CCDC47: variants seen among roughly 807,000 people sequenced by gnomAD.
CCDC47 encodes the protein coiled-coil domain containing 47.
Under a neutral mutation model 60.5 loss-of-function variants are expected in CCDC47, and 41 were observed. The observed-to-expected ratio is 0.68, with a 90% CI of 0.53 to 0.88. The LOEUF is 0.88. Ranked by LOEUF, CCDC47 falls within the 40% of genes least tolerant of loss-of-function variation. CCDC47 has a pLI of 0.00. For synonymous variants in CCDC47, 195 were observed against 190.7 expected, an observed-to-expected ratio of 1.02 and a Z score of -0.18; for missense variants, 513 against 580.9, an observed-to-expected ratio of 0.88 and a Z score of 1.20.
At chr17:63,761,785 G>A (rs925965436) in intron 4 of CCDC47, 15 of 972,256 alleles carry the variant, frequency 1.5e-5, no homozygotes, top group African/African-American at 1.8e-5. Flanking sequence ...GCAATACTTT[G>A]CTGTCTTATA....
At chr17:63,759,284 T>A (rs2144484919) in intron 6 of CCDC47, among the ~76,000 whole-genome samples, 1 of 150,414 alleles carries the variant, frequency 6.6e-6, no homozygotes, top group East Asian at 2.0e-4. Flanking sequence ...AGGTCAGAAG[T>A]TCGAGACCAG....
intron 9 of CCDC47, chr17:63,753,401 G>A (rs75646162): frequency 0.043 from 8,322 of 193,558 alleles, 268 homozygotes; most frequent in Non-Finnish European, 0.06. Context: ...AGTTGAGCAA[G>A]ACAAGGATGA....
intron 5 of CCDC47, 79 bp from the exon 6 acceptor site, chr17:63,761,058 A>G (rs2039255377): frequency 1.5e-6 from 2 of 1,358,162 alleles, no homozygotes; most frequent in East Asian, 4.6e-5. Context: ...AGGAGAATCA[A>G]ATGCTTCATC....
intron 1 of CCDC47, among the ~76,000 whole-genome samples, chr17:63,771,908 C>G (rs1175195381): frequency 6.6e-6 from 1 of 151,826 alleles, no homozygotes; most frequent in Non-Finnish European, 1.5e-5. Flanking sequence ...ATAGTGAAAC[C>G]CCACCTCTAC....
intron 12 of CCDC47, among the ~76,000 whole-genome samples, chr17:63,748,288 T>C (rs1369006702): frequency 6.6e-6 from 1 of 152,074 alleles, no homozygotes; most frequent in Non-Finnish European, 1.5e-5. Flanking sequence ...AATTTTTGTA[T>C]TCTTAGTAGA....
chr17:63,752,970 A>G, intron 9 of CCDC47, 171 bp from the exon 10 acceptor site: 1 of 958,424 alleles, frequency 1.0e-6, no homozygotes, highest in Non-Finnish European at 1.2e-6. Flanking sequence ...CATCTGGTCC[A>G]CTCGTCTATC....
Position 63,746,046 on chromosome 17 carries a change from G to T in CCDC47, c.*835C>A, listed in dbSNP as rs1321739410. ...CTCCATGAACATCCACCAGGCTGCA[G>T]CAACCAAGAAGGAAAAAACATTTGT... On this transcript the variant is annotated 3_prime_UTR_variant, in exon 13 of 13. Coordinates refer to ENST00000225726, the MANE Select transcript of CCDC47 (RefSeq NM_020198.3). 1 of 152,200 alleles carries T rather than the reference G, an allele frequency of 6.6e-6. No individual in the cohort carries two copies. The highest frequency in any genetic ancestry group is 1.5e-5 in the Non-Finnish European group (1 of 68,050). 9.4% of individuals were successfully genotyped at this position (152,200 alleles called of 1,614,324 possible).
chr17:63,747,591 G>T, intron 12 of CCDC47: 1 of 985,006 alleles, frequency 1.0e-6, no homozygotes, highest in South Asian at 4.7e-5. Flanking sequence ...AGCCTTAGAG[G>T]TCAAGTCAAA....
intron 6 of CCDC47, 129 bp from the exon 7 acceptor site, chr17:63,756,699 A>G: frequency 1.6e-6 from 1 of 643,968 alleles, no homozygotes; most frequent in Non-Finnish European, 2.7e-6. Flanking sequence ...TGGGATTTGC[A>G]AATATGATGG....
At chr17:63,747,729 G>C in intron 12 of CCDC47, 1 of 984,900 alleles carries the variant, frequency 1.0e-6, no homozygotes, top group Non-Finnish European at 1.2e-6. Flanking sequence ...AACTGGTACA[G>C]GATGGAGAAA....
rs963595500 is a variant in CCDC47 at position 63,762,197 on chromosome 17, T to C, written c.548-846A>G. ...CTCTCTTCATTTAATTCATTAAGTA[T>C]ACAAAAGAAATTGCTCAACCTCACA... On this transcript the variant is annotated intron_variant, in intron 4 of 12. Coordinates refer to ENST00000225726, the MANE Select transcript of CCDC47 (RefSeq NM_020198.3). 61 of 985,110 alleles carry C rather than the reference T, an allele frequency of 6.2e-5. No individual in the cohort carries two copies. In the African/African-American group the frequency reaches 1.0e-3, roughly 16 times the overall value. The allele number at this position is 985,110 out of a possible 1,614,324, so 61.0% of individuals were successfully genotyped here. A position where few individuals can be genotyped will look rare whatever the true frequency, so the allele number is the denominator to read the frequency against.
rs1175643914 is a variant in CCDC47, at chr17:63,771,023, A to AGGAT, written c.-20+2388_-20+2389insATCC. Among the ~76,000 whole-genome samples, 18 of 129,070 alleles carry AGGAT rather than the reference A, an allele frequency of 1.4e-4. 1 individual carries two copies. Among genetic ancestry groups the AGGAT allele is most frequent in the African/African-American group, 5.4e-4 (18 of 33,412 alleles). The allele number at this position is 129,070 out of a possible 152,430, so 84.7% of individuals were successfully genotyped here. The stretch of plus-strand genomic sequence containing the variant: ...AAGAAAGAAAGAAAGAAAGGAAGGA[A>AGGAT]GGAAGGAAGGAAGGAAGGAAGGAAG... On this transcript the variant is annotated intron_variant, in intron 1 of 12. Coordinates refer to ENST00000225726, the MANE Select transcript of CCDC47 (RefSeq NM_020198.3).
intron 6 of CCDC47, 36 bp downstream of exon 6, chr17:63,760,878 G>C (rs746447451): frequency 7.6e-7 from 1 of 1,319,648 alleles, no homozygotes; most frequent in South Asian, 1.2e-5. Flanking sequence ...AAATAATTCA[G>C]TCTGTACACA....
At chr17:63,763,368 T>A (rs1008684712) in intron 4 of CCDC47, among the ~76,000 whole-genome samples, 1 of 151,770 alleles carries the variant, frequency 6.6e-6, no homozygotes, top group Non-Finnish European at 1.5e-5. Context: ...ACAAAAAAAA[T>A]ACAAAAATTA....
At chr17:63,765,733 T>G (rs1188642150) in intron 2 of CCDC47, 179 bp downstream of exon 2, 1 of 1,402,068 alleles carries the variant, frequency 7.1e-7, no homozygotes, top group African/African-American at 1.5e-5. Flanking sequence ...AAGAACACAA[T>G]TCATTCTGTT....
chr17:63,769,697 A>G (rs2039322921), intron 1 of CCDC47, among the ~76,000 whole-genome samples: 1 of 151,962 alleles, frequency 6.6e-6, no homozygotes, highest in Non-Finnish European at 1.5e-5. Context: ...GGTTTCCCTG[A>G]GGCACAACGG....
chr17:63,751,041 AT>A (rs11322927), intron 12 of CCDC47, among the ~76,000 whole-genome samples: 95,380 of 143,748 alleles, frequency 0.66, 31,740 homozygotes, highest in African/African-American at 0.79. Flanking sequence ...TGCACAGCTA[AT>A]TTTTTTTTTT....
At chr17:63,761,031 TA>T (rs768638116) in intron 5 of CCDC47, 52 bp from the exon 6 acceptor site, 263 of 1,470,100 alleles carry the variant, frequency 1.8e-4, no homozygotes, top group Middle Eastern at 5.2e-4. Context: ...CTACTTAGTA[TA>T]AAAAAAAGGC....
chr17:63,756,640 C>T (rs773553269), intron 6 of CCDC47, 70 bp from the exon 7 acceptor site: 2 of 1,047,548 alleles, frequency 1.9e-6, no homozygotes, highest in East Asian at 5.0e-5. Flanking sequence ...TTCTAAATGA[C>T]CCTTAAGATT....
Sources: gnomAD v4.1 joint callset for allele counts (sites outside exome capture counted in the v4.1 genomes callset) on GRCh38, gnomAD v4.1.1 for gene constraint, MANE v1.5 for transcripts, NCBI Gene and HGNC (gene_info 2026-07-23, HGNC 2026-07-21) for gene names.